The following FANCD2 variants were observed in gnomAD, a reference collection of about 807,000 sequenced individuals.
The protein encoded by FANCD2 is Fanconi anemia group D2 protein.
FANCD2 carries 131 observed loss-of-function variants against 192.3 expected under a neutral mutation model. That is an observed-to-expected ratio of 0.68 (90% CI 0.59 to 0.79). The LOEUF (loss-of-function observed/expected upper bound fraction) is 0.79, where lower values mean the gene tolerates loss of function less well. Ranked by LOEUF, FANCD2 falls within the 30% of genes least tolerant of loss-of-function variation. The pLI, the probability that FANCD2 is intolerant of heterozygous loss-of-function variation, is 0.00. For missense variants in FANCD2, 1,508 were observed against 1,701.6 expected (o/e 0.89, Z 2.00); for synonymous variants, 524 against 612.5 (o/e 0.86, Z 2.13).
chr3:10,031,573 A>G (rs1490258722), intron 2 of FANCD2, among the ~76,000 whole-genome samples: 9 of 151,790 alleles, frequency 5.9e-5, no homozygotes, highest in Non-Finnish European at 1.0e-4. Flanking sequence ...TTAAGGGAGA[A>G]GAGTAAATTT....
intron 5 of FANCD2, 67 bp downstream of exon 5, chr3:10,034,865 A>G: frequency 8.9e-7 from 1 of 1,128,308 alleles, no homozygotes; most frequent in African/African-American, 1.5e-5. Flanking sequence ...GGGGCTGGGG[A>G]GGGAGAGCAC....
At position 10,085,873 on chromosome 3, in the gene FANCD2, A is replaced by G. The variant is rs767075732; in HGVS notation, c.3286A>G (p.Ser1096Gly). 6.2e-7 allele frequency: 1 copy of G among 1,613,900 alleles called. No individual in the cohort carries two copies. ...GTATTCAGCCCTCCATGTCCTTAGT[A>G]GCCGACTGAAACAGGGAGAACACAG... ...LLYSALHVLS[S>G]RLKQGEHSQP... The change falls in exon 33 of 44, where the codon AGC becomes GGC. Residue 1096 changes from serine to glycine, a missense_variant. Physicochemically the swap from Ser to Gly is moderately conservative, Grantham distance 56. Around this residue, in one of 5 missense-constraint regions of FANCD2, gnomAD observed 796 missense variants for 879.4 expected, o/e 0.91. Transcript: ENST00000675286.
At chr3:10,030,518 G>A (rs1036450588) in intron 2 of FANCD2, among the ~76,000 whole-genome samples, 8 of 152,160 alleles carry the variant, frequency 5.3e-5, no homozygotes, top group South Asian at 2.1e-4. Context: ...CAATTCAACC[G>A]AAATAGATGA....
At chr3:10,043,924 A>G in intron 14 of FANCD2, 60 bp downstream of exon 14, 1 of 1,375,268 alleles carries the variant, frequency 7.3e-7, no homozygotes, top group Non-Finnish European at 1.0e-6. Context: ...GACATTGGCT[A>G]GCTTGCCTTC....
chr3:10,055,291 A>G (rs2087374817), intron 18 of FANCD2, among the ~76,000 whole-genome samples: 1 of 152,184 alleles, frequency 6.6e-6, no homozygotes, highest in South Asian at 2.1e-4. Context: ...ATCATCCCAA[A>G]CAAACTTTGT....
intron 31 of FANCD2, 54 bp downstream of exon 31, chr3:10,081,282 C>A: frequency 1.2e-6 from 2 of 1,613,338 alleles, no homozygotes; most frequent in Non-Finnish European, 1.7e-6. Context: ...TCATTTTTGG[C>A]TGAGAAAAAG....
intron 43 of FANCD2, among the ~76,000 whole-genome samples, chr3:10,100,043 C>G (rs1695210113): frequency 6.6e-6 from 1 of 151,954 alleles, no homozygotes; most frequent in South Asian, 2.1e-4. Flanking sequence ...TTTGAGCTAG[C>G]CAGGCATGGT....
chr3:10,086,316 C>T (rs7432976), intron 33 of FANCD2, among the ~76,000 whole-genome samples: 2 of 152,102 alleles, frequency 1.3e-5, no homozygotes, highest in African/African-American at 4.8e-5. Context: ...CCTTATGTGG[C>T]TGAGGGGTAG....
chr3:10,036,086 CTTTTTTT>C (rs532765216), intron 6 of FANCD2, among the ~76,000 whole-genome samples, 194 bp from the exon 7 acceptor site: 5 of 102,602 alleles, frequency 4.9e-5, no homozygotes, highest in Non-Finnish European at 8.0e-5. Flanking sequence ...TTATACATTT[CTTTTTTT>C]TTTTTTTTTT....
At chr3:10,064,952 AGTTGAGTC>A in intron 23 of FANCD2, 77 bp downstream of exon 23, 2 of 1,506,718 alleles carry the variant, frequency 1.3e-6, no homozygotes, top group African/African-American at 1.4e-5. Flanking sequence ...TTGGTGGGGA[AGTTGAGTC>A]AAAAAAGTTT....
chr3:10,057,377 T>C (rs1283284202), intron 18 of FANCD2, among the ~76,000 whole-genome samples: 1 of 151,794 alleles, frequency 6.6e-6, no homozygotes, highest in Non-Finnish European at 1.5e-5. Context: ...CTTTCTTTTT[T>C]TTTTTTGAGA....
intron 17 of FANCD2, among the ~76,000 whole-genome samples, chr3:10,051,375 C>T (rs1271595050): frequency 3.9e-5 from 4 of 102,058 alleles, no homozygotes; most frequent in Admixed American, 2.8e-4. Context: ...AGCGAGACTC[C>T]GTCTCAAAAA....
chr3:10,066,548 A>G (rs2087724147), intron 25 of FANCD2, among the ~76,000 whole-genome samples: 1 of 152,218 alleles, frequency 6.6e-6, no homozygotes, highest in African/African-American at 2.4e-5. Context: ...CTTACACTGT[A>G]CCAAGTGCTG....
intron 26 of FANCD2, among the ~76,000 whole-genome samples, chr3:10,070,988 C>T (rs1233826190): frequency 6.8e-6 from 1 of 147,820 alleles, no homozygotes; most frequent in Admixed American, 6.8e-5. Context: ...GACACAAACA[C>T]TGCGGAAGGC....
At chr3:10,045,794 G>A in intron 14 of FANCD2, 1 of 151,446 alleles carries the variant, frequency 6.6e-6, no homozygotes, top group East Asian at 2.0e-4. Flanking sequence ...TAGAGACAGG[G>A]TTTCAGCATC....
intron 18 of FANCD2, among the ~76,000 whole-genome samples, chr3:10,055,545 A>G (rs271995): frequency 1.3e-5 from 2 of 152,166 alleles, no homozygotes; most frequent in East Asian, 1.9e-4. Context: ...GGGCACGGTG[A>G]CTCACGCCTG....
chr3:10,047,296 T>C (rs2087049683), intron 15 of FANCD2, among the ~76,000 whole-genome samples: 1 of 152,304 alleles, frequency 6.6e-6, no homozygotes, highest in Non-Finnish European at 1.5e-5. Context: ...TGTTTTGGGC[T>C]GTAATTTTCT....
Position 10,081,211 on chromosome 3 carries a change from A to C in FANCD2, c.3088A>C (p.Ile1030Leu). Residue 1030 changes from isoleucine to leucine, a missense_variant, in exon 31 of 44, where the codon ATT (isoleucine) becomes CTT (leucine). Physicochemically the swap from Ile to Leu is conservative, Grantham distance 5. Coordinates refer to ENST00000675286, the MANE Select transcript of FANCD2 (RefSeq NM_001018115.3). ...LTPMCNHLENIHNYFQCLAAE... is the reference protein window; with the variant it reads ...LTPMCNHLENLHNYFQCLAAE... ...CCCAATGTGTAACCACCTGGAGAAC[A>C]TTCACAACTATTTTCAGGTCAGAAG... is the stretch of plus-strand genomic sequence containing the variant. 6.2e-7 allele frequency: 1 copy of C among 1,614,190 alleles called. No individual in the cohort carries two copies. Among genetic ancestry groups the C allele is most frequent in the Non-Finnish European group, 8.5e-7 (1 of 1,180,042 alleles).
intron 32 of FANCD2, among the ~76,000 whole-genome samples, chr3:10,084,235 A>G (rs1273442850): frequency 6.7e-6 from 1 of 148,334 alleles, no homozygotes; most frequent in African/African-American, 2.5e-5. Context: ...CCCGTGATCT[A>G]CCCACCTCAG....
Sources: gnomAD v4.1 joint callset for allele counts (sites outside exome capture counted in the v4.1 genomes callset) on GRCh38, gnomAD v4.1.1 for gene constraint, gnomAD v4.1.1 regional missense constraint, MANE v1.5 for transcripts, NCBI Gene and HGNC (gene_info 2026-07-23, HGNC 2026-07-21) for gene names.